The following HORMAD2 variants were observed in gnomAD, a reference collection of about 807,000 sequenced individuals.
HORMAD2 encodes HORMA domain containing 2.
A neutral mutation model predicts 38.8 loss-of-function variants in HORMAD2; 45 were observed. The observed-to-expected ratio is 1.16, with a 90% CI of 0.91 to 1.49. HORMAD2 has a LOEUF of 1.49. Among genes scored for constraint, HORMAD2 ranks in the 40% most tolerant of loss-of-function variants. The pLI is 0.00. For synonymous variants in HORMAD2, 126 were observed against 122.8 expected (o/e 1.03, Z -0.17); for missense variants, 338 against 367.0 (o/e 0.92, Z 0.65).
chr22:30,094,645 GAC>G (rs1409788047), intron 2 of HORMAD2, among the ~76,000 whole-genome samples: 1 of 152,126 alleles, frequency 6.6e-6, no homozygotes, highest in Non-Finnish European at 1.5e-5. Context: ...AAAAGAGTAA[GAC>G]AATGCAAATT....
chr22:30,098,932 A>G lies in HORMAD2; in HGVS notation c.132A>G (p.Ser44=). ...AGAAACTTTTTGCTACTTCCATCTC[A>G]TGTATAACATACCTAAGGGGCCTGT... ...MVKKLFATSI[S]CITYLRGLFP... The change falls in exon 3 of 11, where the codon TCA becomes TCG. Residue 44 remains serine (S), a synonymous_variant. Coordinates refer to ENST00000336726, the MANE Select transcript of HORMAD2 (RefSeq NM_152510.4). The G allele has an allele frequency of 6.2e-7, 1 of 1,612,236 alleles. No individual in the cohort carries two copies. The highest frequency in any genetic ancestry group is 1.3e-5 in the African/African-American group (1 of 75,036).
At chr22:30,122,442 A>C (rs1922528096) in intron 10 of HORMAD2, among the ~76,000 whole-genome samples, 1 of 152,126 alleles carries the variant, frequency 6.6e-6, no homozygotes, top group East Asian at 1.9e-4. Flanking sequence ...TTTCTAATAT[A>C]TTTATTTTAT....
chr22:30,121,848 G>T, intron 9 of HORMAD2, 59 bp downstream of exon 9: 1 of 1,553,992 alleles, frequency 6.4e-7, no homozygotes. Flanking sequence ...TTTTCTATAA[G>T]TAAAAGGATT....
At chr22:30,205,629 C>T in the HORMAD2 span, among the ~76,000 whole-genome samples, 2 of 152,080 alleles carry the variant, frequency 1.3e-5, no homozygotes, top group Non-Finnish European at 2.9e-5. Flanking sequence ...TGTGACCCAG[C>T]GGTGAGGTGA....
the HORMAD2 span, among the ~76,000 whole-genome samples, chr22:30,191,540 G>A: frequency 6.6e-6 from 1 of 152,246 alleles, no homozygotes; most frequent in South Asian, 2.1e-4. Flanking sequence ...ATCTAATAGA[G>A]CTAACTTTTT....
chr22:30,126,280 T>C (rs1169134507), intron 10 of HORMAD2, among the ~76,000 whole-genome samples: 1 of 152,098 alleles, frequency 6.6e-6, no homozygotes, highest in Non-Finnish European at 1.5e-5. Context: ...GCCATTCTCC[T>C]GTCTCAGCCT....
At chr22:30,180,971 CCT>C (rs1926687204), downstream of HORMAD2, among the ~76,000 whole-genome samples, 1 of 130,034 alleles carries the variant, frequency 7.7e-6, no homozygotes, top group Non-Finnish European at 1.6e-5. Flanking sequence ...CCTCTCCTCT[CCT>C]CTCCTCTCCT....
At chr22:30,199,110 CA>C in the HORMAD2 span, among the ~76,000 whole-genome samples, 1 of 152,204 alleles carries the variant, frequency 6.6e-6, no homozygotes, top group Non-Finnish European at 1.5e-5. Context: ...GGGGTTTCCC[CA>C]ACCTAATTTT....
chr22:30,131,365 G>A (rs956550152), intron 10 of HORMAD2, among the ~76,000 whole-genome samples: 1 of 152,022 alleles, frequency 6.6e-6, no homozygotes, highest in African/African-American at 2.4e-5. Context: ...TTTTAGGCAG[G>A]GGTCTACTAT....
intron 10 of HORMAD2, among the ~76,000 whole-genome samples, chr22:30,125,477 C>T (rs1321805726): frequency 6.6e-6 from 1 of 151,964 alleles, no homozygotes; most frequent in Non-Finnish European, 1.5e-5. Flanking sequence ...ATCCGTCCGC[C>T]TCAGCCTCCC....
intron 10 of HORMAD2, among the ~76,000 whole-genome samples, chr22:30,141,520 C>G (rs939976283): frequency 1.3e-5 from 2 of 152,098 alleles, no homozygotes; most frequent in African/African-American, 4.8e-5. Flanking sequence ...CAAGCCCTTC[C>G]ACATACATTT....
rs189188301 is a variant in HORMAD2 at position 30,140,386 on chromosome 22, G to A, written c.819+18172G>A. 3.9e-5 allele frequency among the ~76,000 whole-genome samples: 6 copies of A among 152,330 alleles called. No homozygotes were observed. In the East Asian group the frequency reaches 9.6e-4, roughly 24 times the overall value. On this transcript the variant is annotated intron_variant, in intron 10 of 10. Coordinates refer to ENST00000336726, the MANE Select transcript of HORMAD2 (RefSeq NM_152510.4). ...TTAATTCTTCTTTAAATGTTTGGTAGAGTTTAGTGGTGAAGCTATCTGTGA... is the reference window on the plus strand; with the variant it reads ...TTAATTCTTCTTTAAATGTTTGGTAAAGTTTAGTGGTGAAGCTATCTGTGA...
At chr22:30,104,685 A>T in intron 5 of HORMAD2, 3 of 341,372 alleles carry the variant, frequency 8.8e-6, no homozygotes, top group Non-Finnish European at 5.3e-6. Flanking sequence ...CTCTGAAGTC[A>T]CTGGAAGAGA....
At chr22:30,134,888 TATA>T (rs1207706846) in intron 10 of HORMAD2, among the ~76,000 whole-genome samples, 4 of 152,066 alleles carry the variant, frequency 2.6e-5, no homozygotes, top group Admixed American at 6.6e-5. Flanking sequence ...CTATTTATTA[TATA>T]ATAATAATAG....
At chr22:30,136,719 A>G (rs1375921705) in intron 10 of HORMAD2, 2 of 164,228 alleles carry the variant, frequency 1.2e-5, no homozygotes, top group Admixed American at 6.4e-5. Flanking sequence ...AGCTCATTCA[A>G]TTTTAGCACC....
intron 10 of HORMAD2, among the ~76,000 whole-genome samples, chr22:30,174,485 G>A (rs1926311010): frequency 6.6e-6 from 1 of 152,156 alleles, no homozygotes; most frequent in South Asian, 2.1e-4. Context: ...ACCATTGAGA[G>A]TTCCCAGGCC....
In HORMAD2 at chr22:30,119,386, G is replaced by C. The variant is rs7285127; in HGVS notation, c.410+339G>C. Among the ~76,000 whole-genome samples the C allele has an allele frequency of 3.4e-3, 512 of 152,212 alleles. 10 individuals carry two copies. The highest frequency in any genetic ancestry group is 0.012 in the African/African-American group (494 of 41,524). Reference sequence around the variant, plus strand: ...CCTAGATAGCGATCCTTTCCACCTCGATATAGCCAGCCTGTGCCTAGGGTA... The same window carrying C: ...CCTAGATAGCGATCCTTTCCACCTCCATATAGCCAGCCTGTGCCTAGGGTA... On this transcript the variant is annotated intron_variant, in intron 8 of 10. Coordinates refer to ENST00000336726, the MANE Select transcript of HORMAD2 (RefSeq NM_152510.4).
At chr22:30,140,613 G>A (rs1924008422) in intron 10 of HORMAD2, among the ~76,000 whole-genome samples, 1 of 151,828 alleles carries the variant, frequency 6.6e-6, no homozygotes, top group African/African-American at 2.4e-5. Context: ...TTTTATTTTT[G>A]TAAGGTCAGC....
chr22:30,125,636 C>G (rs936837219), intron 10 of HORMAD2, among the ~76,000 whole-genome samples: 6 of 152,280 alleles, frequency 3.9e-5, no homozygotes, highest in Middle Eastern at 3.4e-3. Flanking sequence ...AAGAAATCCT[C>G]TACCTAAGGT....
Sources: allele counts gnomAD v4.1 joint callset (sites outside exome capture counted in the v4.1 genomes callset), GRCh38; gene constraint gnomAD v4.1.1; transcripts MANE v1.5; gene names NCBI Gene and HGNC (gene_info 2026-07-23, HGNC 2026-07-21).